SUN3: variants seen among roughly 807,000 people sequenced by gnomAD.
SUN3 encodes SUN domain-containing protein 3.
Under a neutral mutation model 48.2 loss-of-function variants are expected in SUN3, and 36 were observed. The ratio of observed to expected loss-of-function variants is 0.75; its 90% CI spans 0.57 to 0.99. The LOEUF (loss-of-function observed/expected upper bound fraction) is 0.99, where lower values mean the gene tolerates loss of function less well. Ranked by LOEUF, SUN3 falls within the 50% of genes least tolerant of loss-of-function variation. The probability of loss-of-function intolerance (pLI) is 0.00; values close to 1 mark genes in which losing one functional copy is unlikely to be tolerated. For synonymous variants in SUN3, 148 were observed against 147.9 expected, an observed-to-expected ratio of 1.00 and a Z score of 0.00; for missense variants, 419 against 433.1, an observed-to-expected ratio of 0.97 and a Z score of 0.29.
chr7:47,995,205 T>C (rs1052709612), intron 7 of SUN3, among the ~76,000 whole-genome samples: 2 of 150,646 alleles, frequency 1.3e-5, no homozygotes, highest in Non-Finnish European at 3.0e-5. Flanking sequence ...ATGATGGACA[T>C]GGGGGTGGTG....
chr7:48,013,484 A>T (rs1376477505), intron 3 of SUN3, among the ~76,000 whole-genome samples: 1 of 152,224 alleles, frequency 6.6e-6, no homozygotes, highest in African/African-American at 2.4e-5. Context: ...TCACCTAAAA[A>T]TTATAAATAT....
At chr7:48,016,395 T>C (rs1789814727) in intron 3 of SUN3, among the ~76,000 whole-genome samples, 1 of 152,232 alleles carries the variant, frequency 6.6e-6, no homozygotes, top group Non-Finnish European at 1.5e-5. Context: ...TTCCCCTGTC[T>C]TGATAAATTG....
intron 3 of SUN3, 119 bp downstream of exon 3, chr7:48,017,143 C>T (rs917904744): frequency 9.9e-6 from 6 of 608,082 alleles, no homozygotes; most frequent in Non-Finnish European, 1.7e-5. Flanking sequence ...CCATTTCCTA[C>T]ATTAATTTTA....
At chr7:48,000,902 T>C (rs1789346710) in intron 6 of SUN3, among the ~76,000 whole-genome samples, 1 of 152,018 alleles carries the variant, frequency 6.6e-6, no homozygotes, top group African/African-American at 2.4e-5. Context: ...GAGATGTTTT[T>C]AGCTATTACG....
chr7:48,010,357 T>C (rs1212027571), intron 3 of SUN3, among the ~76,000 whole-genome samples: 2 of 152,162 alleles, frequency 1.3e-5, no homozygotes, highest in East Asian at 3.9e-4. Flanking sequence ...GGGTGATCTC[T>C]TCCCCAGAGG....
chr7:48,016,805 A>AC (rs1400918563), intron 3 of SUN3, among the ~76,000 whole-genome samples: 1 of 152,180 alleles, frequency 6.6e-6, no homozygotes, highest in Non-Finnish European at 1.5e-5. Flanking sequence ...TTTATAAACA[A>AC]CAGAAGTTTG....
chr7:48,034,944 A>G, the SUN3 span, among the ~76,000 whole-genome samples: 2 of 152,198 alleles, frequency 1.3e-5, no homozygotes, highest in Non-Finnish European at 2.9e-5. Flanking sequence ...ACAATTTCCA[A>G]ATACTTATTA....
intron 3 of SUN3, among the ~76,000 whole-genome samples, chr7:48,014,134 T>A (rs190258201): frequency 3.2e-4 from 49 of 152,204 alleles, no homozygotes; most frequent in Admixed American, 2.9e-3. Flanking sequence ...TCTGGCTAAT[T>A]TTTTGATGTT....
intron 8 of SUN3, among the ~76,000 whole-genome samples, chr7:47,990,082 C>T (rs544586734): frequency 2.6e-5 from 4 of 151,134 alleles, no homozygotes; most frequent in Middle Eastern, 3.4e-3. Flanking sequence ...TCCCCCAGCC[C>T]GACACCCGTA....
At chr7:48,000,346 C>T (rs1789328400) in intron 6 of SUN3, among the ~76,000 whole-genome samples, 1 of 152,178 alleles carries the variant, frequency 6.6e-6, no homozygotes, top group African/African-American at 2.4e-5. Flanking sequence ...CCATGTTGGC[C>T]AGGCTAGTCT....
chr7:47,991,097 C>A (rs922991475), intron 8 of SUN3: 2 of 449,484 alleles, frequency 4.4e-6, no homozygotes, highest in Admixed American at 2.4e-5. Context: ...CAAAACAAAC[C>A]AAAAAAACGG....
At chr7:48,016,995 T>A (rs1200353137) in intron 3 of SUN3, among the ~76,000 whole-genome samples, 1 of 152,188 alleles carries the variant, frequency 6.6e-6, no homozygotes, top group Non-Finnish European at 1.5e-5. Flanking sequence ...ACTCCAATGA[T>A]AATGGCATTA....
chr7:48,004,271 T>C (rs965838015), intron 6 of SUN3, among the ~76,000 whole-genome samples: 4 of 152,238 alleles, frequency 2.6e-5, no homozygotes, highest in African/African-American at 9.6e-5. Flanking sequence ...AATTGTGATT[T>C]GTACCCTAGA....
intron 2 of SUN3, 119 bp downstream of exon 2, chr7:48,025,758 A>G: frequency 1.8e-6 from 1 of 564,214 alleles, no homozygotes; most frequent in South Asian, 3.4e-5. Flanking sequence ...TGTGCAGGTC[A>G]CCTCCAGCAC....
intron 6 of SUN3, among the ~76,000 whole-genome samples, chr7:48,005,593 C>T (rs970565587): frequency 6.6e-6 from 1 of 152,028 alleles, no homozygotes; most frequent in African/African-American, 2.4e-5. Context: ...TTATATATAA[C>T]CTTTAAACAC....
chr7:48,034,311 A>C, the SUN3 span, among the ~76,000 whole-genome samples: 1 of 152,156 alleles, frequency 6.6e-6, no homozygotes, highest in Non-Finnish European at 1.5e-5. Flanking sequence ...CTGCACAAAA[A>C]CTATCTTCTC....
intron 2 of SUN3, among the ~76,000 whole-genome samples, chr7:48,020,263 C>G (rs1445675424): frequency 6.6e-6 from 1 of 152,038 alleles, no homozygotes; most frequent in African/African-American, 2.4e-5. Context: ...TTCAACATCT[C>G]TCCATGATAA....
intron 3 of SUN3, among the ~76,000 whole-genome samples, chr7:48,013,753 G>A (rs891002631): frequency 5.9e-5 from 9 of 151,982 alleles, no homozygotes; most frequent in Non-Finnish European, 1.2e-4. Flanking sequence ...GCCTGTAATC[G>A]CTTGAGCTCA....
intron 1 of SUN3, among the ~76,000 whole-genome samples, chr7:48,026,717 G>C (rs1790145823): frequency 6.6e-6 from 1 of 151,950 alleles, no homozygotes; most frequent in African/African-American, 2.4e-5. Context: ...TAAACTAGCA[G>C]GATTGTTGTC....
Sources: gnomAD v4.1 joint callset for allele counts (sites outside exome capture counted in the v4.1 genomes callset) on GRCh38, gnomAD v4.1.1 for gene constraint, MANE v1.5 for transcripts, NCBI Gene and HGNC (gene_info 2026-07-23, HGNC 2026-07-21) for gene names.